SEMA6D: variants seen among roughly 807,000 people sequenced by gnomAD.
SEMA6D encodes semaphorin-6D.
In SEMA6D, 35 loss-of-function variants were observed where a neutral mutation model predicts 106.6. That is an observed-to-expected ratio of 0.33 (90% CI 0.25 to 0.44). The LOEUF is 0.44. Among genes scored for constraint, SEMA6D ranks in the 20% least tolerant of loss-of-function variants. SEMA6D has a pLI of 1.00. For synonymous variants in SEMA6D, 499 were observed against 487.7 expected (o/e 1.02, Z -0.31); for missense variants, 1,185 against 1,345.9 (o/e 0.88, Z 1.87).
At chr15:47,217,214 G>A (rs889579586) in intron 1 of SEMA6D, among the ~76,000 whole-genome samples, 2 of 152,146 alleles carry the variant, frequency 1.3e-5, no homozygotes, top group African/African-American at 4.8e-5. Flanking sequence ...CAGAAGCCAT[G>A]TCAGACATTA....
intron 3 of SEMA6D, among the ~76,000 whole-genome samples, chr15:47,518,832 G>C (rs1464617062): frequency 6.6e-6 from 1 of 152,078 alleles, no homozygotes; most frequent in Admixed American, 6.6e-5. Flanking sequence ...CCTTCTCCTA[G>C]GATAACAATG....
chr15:47,382,954 A>G (rs2039694822), intron 1 of SEMA6D, among the ~76,000 whole-genome samples: 1 of 152,158 alleles, frequency 6.6e-6, no homozygotes, highest in South Asian at 2.1e-4. Context: ...TTTAATAGAG[A>G]CAGGTTTCAC....
At chr15:47,451,033 CA>C (rs1241560918) in intron 2 of SEMA6D, among the ~76,000 whole-genome samples, 10 of 152,028 alleles carry the variant, frequency 6.6e-5, no homozygotes, top group Non-Finnish European at 1.2e-4. Flanking sequence ...AACAAACAAA[CA>C]AAAAACTCAA....
chr15:47,738,361 T>C (rs1332946370), intron 1 of SEMA6D, among the ~76,000 whole-genome samples: 3 of 152,216 alleles, frequency 2.0e-5, no homozygotes, highest in African/African-American at 7.2e-5. Flanking sequence ...TAGTATTCCA[T>C]GGTGTATATG....
rs1307564366 is a variant in SEMA6D, at chr15:47,619,032, T to A, written c.-55+18136T>A. 3.3e-5 allele frequency among the ~76,000 whole-genome samples: 5 copies of A among 152,300 alleles called. No homozygotes were observed. The East Asian group carries it at 9.7e-4, about 29-fold the overall frequency. ...GAAGGGCTGTGAACTGGTGCACTTT[T>A]GGGTAAAGGATAATTGAGGAGGAAC... On this transcript the variant is annotated intron_variant, in intron 4 of 19. Coordinates refer to the SEMA6D transcript ENST00000558014.
chr15:47,733,602 G>A (rs906614647), intron 1 of SEMA6D, among the ~76,000 whole-genome samples: 1 of 152,100 alleles, frequency 6.6e-6, no homozygotes, highest in African/African-American at 2.4e-5. Flanking sequence ...GTGCATCCTT[G>A]TGAGTCCAGA....
intron 2 of SEMA6D, among the ~76,000 whole-genome samples, chr15:47,458,954 C>T (rs1024366573): frequency 1.3e-5 from 2 of 152,002 alleles, no homozygotes; most frequent in African/African-American, 4.8e-5. Context: ...ATGATTTCCA[C>T]CTCCTAGTAT....
At chr15:47,282,458 A>G (rs1444488063) in intron 1 of SEMA6D, among the ~76,000 whole-genome samples, 1 of 152,216 alleles carries the variant, frequency 6.6e-6, no homozygotes, top group Non-Finnish European at 1.5e-5. Flanking sequence ...TATTTATTCT[A>G]CTGTTGATGA....
intron 1 of SEMA6D, among the ~76,000 whole-genome samples, chr15:47,275,567 T>C (rs959988255): frequency 6.6e-6 from 1 of 152,154 alleles, no homozygotes; most frequent in Non-Finnish European, 1.5e-5. Context: ...CTATTGTAAT[T>C]GCTTTGGGGC....
intron 2 of SEMA6D, among the ~76,000 whole-genome samples, chr15:47,422,693 A>G (rs1416712544): frequency 6.6e-6 from 1 of 152,064 alleles, no homozygotes; most frequent in African/African-American, 2.4e-5. Context: ...TGTTGGATGT[A>G]CTTTTTCTTA....
intron 13 of SEMA6D, chr15:47,765,331 C>T: frequency 8.3e-7 from 1 of 1,209,668 alleles, no homozygotes; most frequent in Non-Finnish European, 1.0e-6. Context: ...TCTTATCTTG[C>T]AGATATATTC....
At chr15:47,770,372 A>G in intron 18 of SEMA6D, 125 bp from the exon 19 acceptor site, 1 of 721,690 alleles carries the variant, frequency 1.4e-6, no homozygotes, top group Non-Finnish European at 2.2e-6. Context: ...TTTGGAGTCT[A>G]CTTGACCCTC....
chr15:47,322,795 C>T (rs2036973320), intron 1 of SEMA6D, among the ~76,000 whole-genome samples: 1 of 152,098 alleles, frequency 6.6e-6, no homozygotes, highest in African/African-American at 2.4e-5. Context: ...TGATATTTCC[C>T]AAATGGTGAT....
rs543097033 is a variant in SEMA6D, at chr15:47,597,163, G to A, written c.-86-3702G>A. 2.8e-3 allele frequency among the ~76,000 whole-genome samples: 429 copies of A among 152,096 alleles called. 2 individuals are homozygous for A. The highest frequency in any genetic ancestry group is 0.01 in the African/African-American group (419 of 41,544). On this transcript the variant is annotated intron_variant, in intron 3 of 19. Transcript: ENST00000558014. ...CATCTGTAATCATTAGGGAAATGAT[G>A]AGATATTACTTCCCACCTGTCAGAA...
At chr15:47,694,805 T>C (rs2078665096) in intron 4 of SEMA6D, among the ~76,000 whole-genome samples, 2 of 152,146 alleles carry the variant, frequency 1.3e-5, no homozygotes, top group Admixed American at 1.3e-4. Context: ...AGATCATTTT[T>C]CTATGATAGT....
chr15:47,199,097 G>T (rs1335321065), intron 1 of SEMA6D, among the ~76,000 whole-genome samples: 3 of 152,106 alleles, frequency 2.0e-5, no homozygotes, highest in Non-Finnish European at 4.4e-5. Context: ...AAAAGTTTCT[G>T]TATGTAAGTC....
intron 1 of SEMA6D, among the ~76,000 whole-genome samples, chr15:47,240,003 T>G (rs182571944): frequency 2.0e-5 from 3 of 152,184 alleles, no homozygotes; most frequent in African/African-American, 7.2e-5. Flanking sequence ...AAATATTCAA[T>G]AAATTTGAGC....
chr15:47,440,899 G>A (rs1034183289), intron 2 of SEMA6D, among the ~76,000 whole-genome samples: 1 of 152,080 alleles, frequency 6.6e-6, no homozygotes, highest in Admixed American at 6.6e-5. Flanking sequence ...TCTGTTGCTA[G>A]GATTTATATT....
intron 4 of SEMA6D, among the ~76,000 whole-genome samples, chr15:47,709,907 C>T (rs2078983020): frequency 1.3e-5 from 2 of 149,920 alleles, no homozygotes; most frequent in South Asian, 4.2e-4. Context: ...CAAAAGCAAG[C>T]AAATTGATTG....
Sources: allele counts gnomAD v4.1 joint callset (sites outside exome capture counted in the v4.1 genomes callset), GRCh38; gene constraint gnomAD v4.1.1; transcripts MANE v1.5; gene names NCBI Gene and HGNC (gene_info 2026-07-23, HGNC 2026-07-21).